Variants in IPO11 observed in about 807,000 individuals in gnomAD.
The protein encoded by IPO11 is importin 11.
Under a neutral mutation model 143.2 loss-of-function variants are expected in IPO11, and 66 were observed. That is an observed-to-expected ratio of 0.46 (90% CI 0.38 to 0.57). IPO11 has a LOEUF of 0.57. Among genes scored for constraint, IPO11 ranks in the 20% least tolerant of loss-of-function variants. IPO11 has a pLI of 0.00. For missense variants in IPO11, 1,026 were observed against 1,141.0 expected (o/e 0.90, Z 1.45); for synonymous variants, 385 against 377.8 (o/e 1.02, Z -0.22).
intron 15 of IPO11, among the ~76,000 whole-genome samples, chr5:62,493,543 C>T (rs1256751117): frequency 2.7e-5 from 4 of 150,934 alleles, no homozygotes; most frequent in Admixed American, 1.3e-4. Context: ...ATATTTTGTA[C>T]TGTGGTACAT....
chr5:62,453,120 G>C (rs1037546350), intron 5 of IPO11, among the ~76,000 whole-genome samples: 4 of 150,914 alleles, frequency 2.7e-5, no homozygotes, highest in Non-Finnish European at 1.5e-5. Flanking sequence ...AAAAAGAAGA[G>C]GGTGACATGG....
At chr5:62,418,856 AT>A (rs1388030527) in intron 1 of IPO11, 18 of 759,522 alleles carry the variant, frequency 2.4e-5, no homozygotes, top group Non-Finnish European at 3.4e-5. Flanking sequence ...CCTTATTCTT[AT>A]ATGCCTGTGC....
chr5:62,476,002 A>G (rs1745945094), intron 8 of IPO11, among the ~76,000 whole-genome samples: 1 of 152,228 alleles, frequency 6.6e-6, no homozygotes. Context: ...TATGTTAGTC[A>G]GTTTCAATTT....
chr5:62,418,868 A>G (rs1352328621), intron 1 of IPO11: 1 of 876,646 alleles, frequency 1.1e-6, no homozygotes, highest in African/African-American at 1.7e-5. Context: ...ATGCCTGTGC[A>G]GGGGTTTCTG....
At chr5:62,464,470 T>G (rs913822648) in intron 5 of IPO11, among the ~76,000 whole-genome samples, 16 of 151,712 alleles carry the variant, frequency 1.1e-4, no homozygotes, top group African/African-American at 3.9e-4. Flanking sequence ...TTTTCTTCGT[T>G]TTTTTTTGTT....
chr5:62,622,157 G>T (rs1035751489), intron 29 of IPO11, among the ~76,000 whole-genome samples: 2 of 152,048 alleles, frequency 1.3e-5, no homozygotes, highest in Non-Finnish European at 2.9e-5. Flanking sequence ...GAGAGGTTAG[G>T]CCTCAAAACG....
chr5:62,421,732 T>G (rs887855653), intron 1 of IPO11, among the ~76,000 whole-genome samples: 1 of 152,238 alleles, frequency 6.6e-6, no homozygotes, highest in African/African-American at 2.4e-5. Flanking sequence ...GACTCACAAC[T>G]GAGAGAAAAA....
chr5:62,451,269 T>C lies in IPO11; in HGVS notation c.313-461T>C, dbSNP rs541253175. Among the ~76,000 whole-genome samples, 5 of 152,300 alleles carry C rather than the reference T, an allele frequency of 3.3e-5. No individual in the cohort carries two copies. In the South Asian group the frequency reaches 1.0e-3, roughly 32 times the overall value. The stretch of plus-strand genomic sequence containing the variant: ...TGTTGATATTTACTGTATTATAAAT[T>C]AAAACTGAGAAACTTAAAAATATTC... On this transcript the variant is annotated intron_variant, in intron 4 of 29. Coordinates refer to ENST00000325324, the MANE Select transcript of IPO11 (RefSeq NM_016338.5).
chr5:62,614,459 G>C (rs181458590), intron 29 of IPO11, among the ~76,000 whole-genome samples: 1 of 152,220 alleles, frequency 6.6e-6, no homozygotes, highest in Admixed American at 6.5e-5. Flanking sequence ...GGCAGTAATG[G>C]GTGGGAGCCA....
At chr5:62,413,340 T>G (rs1743182819) in intron 1 of IPO11, 1 of 152,248 alleles carries the variant, frequency 6.6e-6, no homozygotes, top group African/African-American at 2.4e-5. Flanking sequence ...GCGACCTTGT[T>G]GCTAATAGCA....
In IPO11 at chr5:62,537,197, A is replaced by T; in HGVS notation, c.2170-12A>T. On this transcript the variant is annotated splice_polypyrimidine_tract_variant and intron_variant, in intron 23 of 29. Transcript: ENST00000325324. ...ATATTCTTACATATATTGACTTTTA[A>T]TTGAATTTCAGACATACGCAGTAGG... The T allele has an allele frequency of 1.3e-6, 2 of 1,523,290 alleles. No homozygotes were observed. The highest frequency in any genetic ancestry group is 1.8e-6 in the Non-Finnish European group (2 of 1,109,146). The allele number at this position is 1,523,290 out of a possible 1,614,324, so 94.4% of individuals were successfully genotyped here.
intron 2 of IPO11, among the ~76,000 whole-genome samples, 169 bp downstream of exon 2, chr5:62,437,586 A>T (rs1035723544): frequency 3.3e-5 from 5 of 152,348 alleles, no homozygotes; most frequent in Admixed American, 6.5e-5. Flanking sequence ...GGTGTTAAAT[A>T]AATATTTATT....
At chr5:62,489,429 A>G in intron 14 of IPO11, 80 bp downstream of exon 14, 1 of 1,003,786 alleles carries the variant, frequency 1.0e-6, no homozygotes. Flanking sequence ...TTTTGTGCTG[A>G]GGGTGTTGAG....
At chr5:62,621,562 A>C (rs1746377690) in intron 29 of IPO11, among the ~76,000 whole-genome samples, 1 of 152,126 alleles carries the variant, frequency 6.6e-6, no homozygotes. Context: ...TTAGGCTTGA[A>C]GGCTGGGTTT....
chr5:62,494,177 A>G (rs982895428), intron 16 of IPO11, 53 bp downstream of exon 16: 29 of 1,514,094 alleles, frequency 1.9e-5, no homozygotes, highest in African/African-American at 2.8e-5. Context: ...TCATCTGTGC[A>G]AATCATCAAG....
At chr5:62,482,474 C>G (rs933553013) in intron 9 of IPO11, among the ~76,000 whole-genome samples, 24 of 152,300 alleles carry the variant, frequency 1.6e-4, no homozygotes, top group Admixed American at 5.2e-4. Context: ...CCCAGAGACT[C>G]TGGTACATTG....
chr5:62,506,315 T>G lies in IPO11; in HGVS notation c.1740T>G (p.Val580=). The change falls in exon 19 of 30, where the codon GTT becomes GTG. Residue 580 remains valine, a synonymous_variant. Coordinates refer to ENST00000325324, the MANE Select transcript of IPO11 (RefSeq NM_016338.5). Reference sequence around the variant, plus strand: ...CAGAATGTGACACAAAGATGCATGTTTTGCATGTCCTTTCTTGTGTGATCG... The same window carrying G: ...CAGAATGTGACACAAAGATGCATGTGTTGCATGTCCTTTCTTGTGTGATCG... The part of the protein sequence containing the change: ...QVTECDTKMH[V]LHVLSCVIER... The G allele has an allele frequency of 6.2e-7, 1 of 1,611,652 alleles. No homozygotes were observed. Among genetic ancestry groups the G allele is most frequent in the Non-Finnish European group, 8.5e-7 (1 of 1,178,482 alleles).
At chr5:62,484,593 A>G (rs1256218631) in intron 11 of IPO11, among the ~76,000 whole-genome samples, 1 of 137,974 alleles carries the variant, frequency 7.2e-6, no homozygotes, top group Non-Finnish European at 1.6e-5. Context: ...TATCTGTTTG[A>G]ATTTTAGTAC....
At chr5:62,476,886 G>C in intron 9 of IPO11, 133 bp downstream of exon 9, 5 of 954,002 alleles carry the variant, frequency 5.2e-6, no homozygotes, top group Non-Finnish European at 7.0e-6. Context: ...TTATAGGAAA[G>C]CTAAAAATTG....
Sources: allele counts gnomAD v4.1 joint callset (sites outside exome capture counted in the v4.1 genomes callset), GRCh38; gene constraint gnomAD v4.1.1; transcripts MANE v1.5; gene names NCBI Gene and HGNC (gene_info 2026-07-23, HGNC 2026-07-21).